KYNU: variants seen among roughly 807,000 people sequenced by gnomAD.
KYNU encodes kynureninase.
A neutral mutation model predicts 59.2 loss-of-function variants in KYNU; 54 were observed. That is an observed-to-expected ratio of 0.91 (90% confidence interval 0.73 to 1.14). The LOEUF is 1.14. Among genes scored for constraint, KYNU ranks in the 50% most tolerant of loss-of-function variants. The pLI, the probability that KYNU is intolerant of heterozygous loss-of-function variation, is 0.00. For synonymous variants in KYNU, 177 were observed against 192.0 expected (o/e 0.92, Z 0.65); for missense variants, 567 against 554.4 (o/e 1.02, Z -0.23).
Position 142,918,346 on chromosome 2 carries a change from A to G in KYNU, c.170-263A>G, listed in dbSNP as rs143984813. Among the ~76,000 whole-genome samples, 1,160 of 152,290 alleles carry G rather than the reference A, an allele frequency of 7.6e-3. 7 individuals are homozygous for G. Among genetic ancestry groups the G allele is most frequent in the African/African-American group, 0.027 (1,112 of 41,568 alleles). On this transcript the variant is annotated intron_variant, in intron 2 of 13. Coordinates refer to ENST00000264170, the MANE Select transcript of KYNU (RefSeq NM_003937.3). ...GCTTTGGCAATTCATGATTGGAAGTACTTGCTAATTTAGATTTCCTCATGG... is the reference window on the plus strand; with the variant it reads ...GCTTTGGCAATTCATGATTGGAAGTGCTTGCTAATTTAGATTTCCTCATGG...
chr2:143,000,988 A>C (rs1331133132), intron 10 of KYNU, among the ~76,000 whole-genome samples: 1 of 152,226 alleles, frequency 6.6e-6, no homozygotes, highest in Non-Finnish European at 1.5e-5. Flanking sequence ...TCAGTGTTTC[A>C]ATCCACTTAT....
intron 4 of KYNU, among the ~76,000 whole-genome samples, chr2:142,948,920 T>G (rs949494576): frequency 3.3e-5 from 5 of 152,254 alleles, no homozygotes; most frequent in Non-Finnish European, 7.3e-5. Flanking sequence ...CCTATGATCC[T>G]GTAAGATAAA....
At chr2:142,980,573 T>C (rs1192034745) in intron 8 of KYNU, among the ~76,000 whole-genome samples, 1 of 152,092 alleles carries the variant, frequency 6.6e-6, no homozygotes, top group African/African-American at 2.4e-5. Context: ...AGGCAGTGAG[T>C]CTTATAATCA....
At chr2:143,003,526 G>A (rs539951109) in intron 10 of KYNU, among the ~76,000 whole-genome samples, 4 of 152,294 alleles carry the variant, frequency 2.6e-5, no homozygotes, top group Admixed American at 6.5e-5. Flanking sequence ...AGATTTCAGT[G>A]AGCTGAGATC....
chr2:142,895,668 A>G (rs1681844994), intron 2 of KYNU, among the ~76,000 whole-genome samples: 2 of 151,956 alleles, frequency 1.3e-5, no homozygotes, highest in South Asian at 4.2e-4. Context: ...CACTCTTGAC[A>G]GGTCTCATGT....
At chr2:142,927,547 A>G (rs1683082981) in intron 3 of KYNU, 112 bp from the exon 4 acceptor site, 1 of 763,436 alleles carries the variant, frequency 1.3e-6, no homozygotes, top group Non-Finnish European at 2.3e-6. Context: ...TATAATTACT[A>G]ACACATAGAA....
intron 11 of KYNU, among the ~76,000 whole-genome samples, chr2:143,032,059 C>T (rs550076935): frequency 2.0e-5 from 3 of 152,122 alleles, no homozygotes; most frequent in South Asian, 2.1e-4. Context: ...GGGCGGATCA[C>T]GAGGTCAGGA....
intron 2 of KYNU, among the ~76,000 whole-genome samples, chr2:142,886,714 T>C (rs1226346912): frequency 6.6e-6 from 1 of 152,094 alleles, no homozygotes; most frequent in African/African-American, 2.4e-5. Flanking sequence ...TTAACGGAAA[T>C]GGGAGATAAG....
At chr2:142,891,920 T>C (rs1013211305) in intron 2 of KYNU, among the ~76,000 whole-genome samples, 1 of 58,924 alleles carries the variant, frequency 1.7e-5, no homozygotes, top group Non-Finnish European at 4.1e-5. Flanking sequence ...ACATTGAGAC[T>C]TTTTTTTTTT....
chr2:142,910,274 C>T (rs1365328223), intron 2 of KYNU, among the ~76,000 whole-genome samples: 43 of 151,586 alleles, frequency 2.8e-4, no homozygotes, highest in African/African-American at 1.0e-3. Flanking sequence ...GTATCTGGGA[C>T]TACAGGCCTC....
intron 10 of KYNU, among the ~76,000 whole-genome samples, chr2:142,991,038 A>C (rs988771256): frequency 6.6e-6 from 1 of 152,108 alleles, no homozygotes; most frequent in East Asian, 1.9e-4. Flanking sequence ...AGTCCCAGAA[A>C]GAATAAAAAT....
At chr2:142,894,440 AAG>A (rs1373043418) in intron 2 of KYNU, among the ~76,000 whole-genome samples, 1 of 152,230 alleles carries the variant, frequency 6.6e-6, no homozygotes, top group Non-Finnish European at 1.5e-5. Flanking sequence ...TAATAGTAAA[AAG>A]AATATACTTT....
At chr2:142,939,617 A>AAAAG (rs1683519388) in intron 4 of KYNU, among the ~76,000 whole-genome samples, 1 of 150,140 alleles carries the variant, frequency 6.7e-6, no homozygotes, top group African/African-American at 2.5e-5. Flanking sequence ...AAAAAAAAAA[A>AAAAG]AAAAAGAAAA....
chr2:142,931,076 G>A (rs1688992), intron 4 of KYNU, among the ~76,000 whole-genome samples: 2 of 152,166 alleles, frequency 1.3e-5, no homozygotes, highest in East Asian at 1.9e-4. Context: ...TCAGGGTTAC[G>A]TGTCTTCCGG....
At chr2:143,003,979 A>G (rs1201921258) in intron 10 of KYNU, among the ~76,000 whole-genome samples, 3 of 152,228 alleles carry the variant, frequency 2.0e-5, no homozygotes, top group African/African-American at 4.8e-5. Flanking sequence ...ACATTCTCCT[A>G]TTACTTGATT....
intron 10 of KYNU, among the ~76,000 whole-genome samples, chr2:142,988,277 G>A (rs747450708): frequency 7.9e-5 from 12 of 151,950 alleles, no homozygotes; most frequent in South Asian, 2.1e-4. Flanking sequence ...CACTGAGAAT[G>A]TGCATAGTAA....
intron 2 of KYNU, among the ~76,000 whole-genome samples, chr2:142,891,959 C>G (rs1681730761): frequency 6.6e-6 from 1 of 151,612 alleles, no homozygotes. Context: ...GTCACCCAGG[C>G]TGGAGTGTAG....
rs148096420 is a variant in KYNU, at chr2:142,996,066, G to A, written c.902+10045G>A. The stretch of plus-strand genomic sequence containing the variant: ...AGTCTAGCAACATTAATGCCCTACC[G>A]TGGGAATATGGCTGAAGATCTTGAC... On this transcript the variant is annotated intron_variant, in intron 10 of 13. Transcript: ENST00000264170. Among the ~76,000 whole-genome samples, 18 of 152,144 alleles carry A rather than the reference G, an allele frequency of 1.2e-4. 1 individual carries two copies. Among genetic ancestry groups the A allele is most frequent in the South Asian group, 8.3e-4 (4 of 4,824 alleles).
Position 142,918,748 on chromosome 2 carries a change from G to A in KYNU, c.290+19G>A. On this transcript the variant is annotated intron_variant, in intron 3 of 13. Coordinates refer to ENST00000264170, the MANE Select transcript of KYNU (RefSeq NM_003937.3). Reference sequence around the variant, plus strand: ...CCAAAATGTAAGTATTATTTTAAAAGCTACTACTCTACATCTCATACAAAA... The same window carrying A: ...CCAAAATGTAAGTATTATTTTAAAAACTACTACTCTACATCTCATACAAAA... 5 of 1,605,718 alleles carry A rather than the reference G, an allele frequency of 3.1e-6. No homozygotes were observed. In the East Asian group the frequency reaches 9.0e-5, roughly 29 times the overall value.
Sources: allele counts gnomAD v4.1 joint callset (sites outside exome capture counted in the v4.1 genomes callset), GRCh38; gene constraint gnomAD v4.1.1; transcripts MANE v1.5; gene names NCBI Gene and HGNC (gene_info 2026-07-23, HGNC 2026-07-21).